Variants in ABCB1 observed in about 807,000 individuals in gnomAD.
The protein encoded by ABCB1 is ATP-dependent translocase ABCB1.
In ABCB1, 69 loss-of-function variants were observed where a neutral mutation model predicts 142.0. The observed-to-expected ratio is 0.49, with a 90% confidence interval of 0.40 to 0.59. The LOEUF is 0.59. Among genes scored for constraint, ABCB1 ranks in the 20% least tolerant of loss-of-function variants. The probability of loss-of-function intolerance (pLI) is 0.00; values close to 1 mark genes in which losing one functional copy is unlikely to be tolerated. For synonymous variants in ABCB1, 532 were observed against 539.2 expected (o/e 0.99, Z 0.18); for missense variants, 1,326 against 1,554.7 (o/e 0.85, Z 2.47).
At chr7:87,670,829 G>A (rs558199094) in intron 1 of ABCB1, among the ~76,000 whole-genome samples, 21 of 152,288 alleles carry the variant, frequency 1.4e-4, no homozygotes, top group African/African-American at 4.8e-4. Flanking sequence ...GTTTGGTTGT[G>A]TGGCTCCCCT....
chr7:87,623,300 A>G (rs1035479176), intron 1 of ABCB1, among the ~76,000 whole-genome samples: 1 of 152,184 alleles, frequency 6.6e-6, no homozygotes, highest in African/African-American at 2.4e-5. Context: ...AAAAATTTTA[A>G]AAAGAAAAAT....
intron 4 of ABCB1, among the ~76,000 whole-genome samples, chr7:87,582,607 A>G (rs2129910027): frequency 6.6e-6 from 1 of 152,328 alleles, no homozygotes; most frequent in South Asian, 2.1e-4. Flanking sequence ...ATAAAGGGCC[A>G]GATAGTAAAT....
In ABCB1 at chr7:87,572,183, C is replaced by T. The variant is rs555542421; in HGVS notation, c.287-1960G>A. 2.5e-4 allele frequency among the ~76,000 whole-genome samples: 34 copies of T among 138,206 alleles called. 1 individual carries two copies. Among genetic ancestry groups the T allele is most frequent in the African/African-American group, 9.1e-4 (32 of 35,152 alleles). 90.7% of individuals were successfully genotyped at this position (138,206 alleles called of 152,430 possible). On this transcript the variant is annotated intron_variant, in intron 4 of 27. Transcript: ENST00000622132. The stretch of plus-strand genomic sequence containing the variant: ...TACATTATGTATCTTCTGTATTTAC[C>T]AGGAAATGTCTCTATATAGTATTAA...
chr7:87,509,272 T>C lies in ABCB1; in HGVS notation c.3489+3A>G, dbSNP rs2117066868. ...CAGGCTGTTTATTTGAAGAGAGACT[T>C]ACATTAGGCAGTGACTCGATGAAGG... On this transcript the variant is annotated splice_donor_region_variant and intron_variant, in intron 26 of 27. Transcript: ENST00000622132. 1 of 1,614,080 alleles carries C rather than the reference T, an allele frequency of 6.2e-7. No individual in the cohort carries two copies.
chr7:87,563,698 T>C (rs1194326896), intron 7 of ABCB1, among the ~76,000 whole-genome samples: 2 of 152,114 alleles, frequency 1.3e-5, no homozygotes, highest in African/African-American at 4.8e-5. Flanking sequence ...AACATTATAC[T>C]GAATGGGCAA....
At position 87,600,173 on chromosome 7, in the gene ABCB1, T is replaced by C; in HGVS notation, c.12A>G (p.Glu4=). 1 of 1,614,112 alleles carries C rather than the reference T, an allele frequency of 6.2e-7. No individual in the cohort carries two copies. The highest frequency in any genetic ancestry group is 8.5e-7 in the Non-Finnish European group (1 of 1,179,958). Reference sequence around the variant, plus strand: ...TCTTTGCTCCTCCATTGCGGTCCCCTTCAAGATCCATTCCGACCTGAAGAG... The same window carrying C: ...TCTTTGCTCCTCCATTGCGGTCCCCCTCAAGATCCATTCCGACCTGAAGAG... MDL[E]GDRNGGAKKK... The change falls in exon 2 of 28, where the codon GAA becomes GAG. Residue 4 remains glutamate, a synonymous_variant. Coordinates refer to ENST00000622132, the MANE Select transcript of ABCB1 (RefSeq NM_001348946.2).
rs745773602 is a variant in ABCB1, at chr7:87,539,256, C to T, written c.2397+12G>A. On this transcript the variant is annotated intron_variant, in intron 19 of 27. Transcript: ENST00000622132. The stretch of plus-strand genomic sequence containing the variant: ...TCTACACATCCCAGGGCACAGCCCT[C>T]GATAGACATACCTGTCTGAGCATGG... The T allele has an allele frequency of 6.8e-6, 11 of 1,612,764 alleles. No homozygotes were observed. The highest frequency in any genetic ancestry group is 1.7e-4 in the Middle Eastern group (1 of 5,870).
chr7:87,628,230 G>T (rs1820797560), intron 1 of ABCB1, among the ~76,000 whole-genome samples: 1 of 152,230 alleles, frequency 6.6e-6, no homozygotes, highest in Non-Finnish European at 1.5e-5. Flanking sequence ...AGCGAGCCCA[G>T]CGTCCTTGAC....
intron 4 of ABCB1, among the ~76,000 whole-genome samples, chr7:87,578,786 C>A (rs1283305000): frequency 6.6e-6 from 1 of 150,482 alleles, no homozygotes; most frequent in East Asian, 2.0e-4. Context: ...CTCCGCCTCC[C>A]GGGTTCACGC....
At chr7:87,602,235 C>T (rs28381797), upstream of ABCB1, among the ~76,000 whole-genome samples, 4,556 of 151,338 alleles carry the variant, frequency 0.03, 65 homozygotes, top group Middle Eastern at 0.049. Flanking sequence ...CCTCGTGATC[C>T]GCCCGCCTCG....
intron 4 of ABCB1, among the ~76,000 whole-genome samples, chr7:87,579,436 C>T (rs1818416134): frequency 6.6e-6 from 1 of 152,164 alleles, no homozygotes; most frequent in Non-Finnish European, 1.5e-5. Flanking sequence ...TGAATTTTAT[C>T]AAAGGCCTTT....
intron 20 of ABCB1, 65 bp downstream of exon 20, chr7:87,536,393 T>G (rs929075205): frequency 1.4e-6 from 2 of 1,444,502 alleles, no homozygotes; most frequent in African/African-American, 1.4e-5. Flanking sequence ...AAGGAGAAAA[T>G]TAGTTTCATG....
intron 8 of ABCB1, among the ~76,000 whole-genome samples, chr7:87,555,090 C>A (rs1351401818): frequency 6.6e-6 from 1 of 152,094 alleles, no homozygotes; most frequent in Non-Finnish European, 1.5e-5. Flanking sequence ...TATAACTCGA[C>A]CTTCATTTGA....
At chr7:87,520,707 C>T (rs1198752039) in intron 22 of ABCB1, 69 bp downstream of exon 22, 1 of 1,370,264 alleles carries the variant, frequency 7.3e-7, no homozygotes, top group African/African-American at 1.4e-5. Flanking sequence ...CCAAAGTAAT[C>T]CCTCTGAAAA....
rs1187188802 is a variant in ABCB1 at position 87,550,000 on chromosome 7, T to C, written c.1405A>G (p.Ile469Val). 5.0e-6 allele frequency: 8 copies of C among 1,614,240 alleles called. No homozygotes were observed. Among genetic ancestry groups the C allele is most frequent in the Non-Finnish European group, 6.8e-6 (8 of 1,180,040 alleles). Residue 469 changes from isoleucine (I) to valine (V), a missense_variant, in exon 13 of 28, where the codon ATC becomes GTC. By Grantham distance (29) the Ile-to-Val change is conservative (BLOSUM62 3). Coordinates refer to ENST00000622132, the MANE Select transcript of ABCB1 (RefSeq NM_001348946.2). ...GGTTCCTGACTCACCACACCAATGA[T>C]TTCCCGTAGAAACCTTACATTTATG... The part of the protein sequence containing the change: ...RTINVRFLRE[I>V]IGVVSQEPVL...
rs148499259 is a variant in ABCB1, at chr7:87,693,984, G to A, written c.-331+19177C>T. ...GTACTCTATGCTGGTGATGTCTCCC[G>A]CCACTGAGCTGCACGGGAGCATGGA... On this transcript the variant is annotated intron_variant, in intron 1 of 28. Transcript: ENST00000265724. 1.1e-5 allele frequency: 18 copies of A among 1,610,722 alleles called. No individual in the cohort carries two copies. The Middle Eastern group carries it at 5.0e-4, about 44-fold the overall frequency.
At chr7:87,522,376 C>A (rs1178208425) in intron 21 of ABCB1, 2 of 708,546 alleles carry the variant, frequency 2.8e-6, no homozygotes, top group Non-Finnish European at 5.2e-6. Context: ...ATGGCAGTTC[C>A]AGTAGCAGCA....
intron 1 of ABCB1, among the ~76,000 whole-genome samples, chr7:87,641,715 A>G (rs1456620693): frequency 6.6e-6 from 1 of 152,204 alleles, no homozygotes; most frequent in Non-Finnish European, 1.5e-5. Context: ...TTTTGAAAAT[A>G]TTTTATGAAA....
intron 1 of ABCB1, among the ~76,000 whole-genome samples, chr7:87,616,252 G>A (rs1311806218): frequency 6.6e-6 from 1 of 152,130 alleles, no homozygotes; most frequent in Non-Finnish European, 1.5e-5. Context: ...GCATTGTGAG[G>A]CATTGGACAT....
Sources: allele counts gnomAD v4.1 joint callset (sites outside exome capture counted in the v4.1 genomes callset), GRCh38; gene constraint gnomAD v4.1.1; transcripts MANE v1.5; gene names NCBI Gene and HGNC (gene_info 2026-07-23, HGNC 2026-07-21).